The following UBQLN4 variants were observed in gnomAD, a reference collection of about 807,000 sequenced individuals.
UBQLN4 encodes the protein ubiquilin-4.
In UBQLN4, 11 loss-of-function variants were observed where a neutral mutation model predicts 60.4. The observed-to-expected ratio is 0.18, with a 90% confidence interval of 0.11 to 0.30. UBQLN4 has a LOEUF of 0.30. UBQLN4 is among the 10% of genes least tolerant of loss of function. The pLI is 1.00. For missense variants in UBQLN4, 417 were observed against 795.5 expected (o/e 0.52, Z 5.72); for synonymous variants, 258 against 313.1 (o/e 0.82, Z 1.86).
intron 10 of UBQLN4, among the ~76,000 whole-genome samples, chr1:156,039,245 CTTTT>C (rs34866268): frequency 7.3e-5 from 6 of 82,494 alleles, no homozygotes; most frequent in African/African-American, 1.8e-4. Flanking sequence ...CCTGGCCTGG[CTTTT>C]TTTTTTTTTT....
chr1:156,040,559 C>T (rs919648709), intron 10 of UBQLN4, among the ~76,000 whole-genome samples: 2 of 151,078 alleles, frequency 1.3e-5, no homozygotes, highest in East Asian at 2.0e-4. Context: ...CATTCTCCTG[C>T]GTCAGCCTCC....
chr1:156,032,707 G>T (rs1260137978), downstream of UBQLN4, among the ~76,000 whole-genome samples: 1 of 152,072 alleles, frequency 6.6e-6, no homozygotes, highest in African/African-American at 2.4e-5. Flanking sequence ...TTTGCTCTGT[G>T]ATCTCCATGC....
chr1:156,051,237 G>A lies in UBQLN4; in HGVS notation c.351C>T (p.Thr117=). Residue 117 remains threonine, a synonymous_variant, in exon 3 of 11, where the codon ACC becomes ACT. Coordinates refer to ENST00000368309, the MANE Select transcript of UBQLN4 (RefSeq NM_020131.5). ...TGCCAGAGGTGGAGGGCTGGGCAGGGGTGGCGGGTGAAGCAGGCGTGGTGG... is the reference window on the plus strand; with the variant it reads ...TGCCAGAGGTGGAGGGCTGGGCAGGAGTGGCGGGTGAAGCAGGCGTGGTGG... The part of the protein sequence containing the change: ...APSTTPASPA[T]PAQPSTSGSA... 6.2e-7 allele frequency: 1 copy of A among 1,601,316 alleles called. No individual in the cohort carries two copies. Among genetic ancestry groups the A allele is most frequent in the Non-Finnish European group, 8.5e-7 (1 of 1,173,432 alleles).
chr1:156,042,053 G>A, intron 8 of UBQLN4, 66 bp from the exon 9 acceptor site: 1 of 1,611,530 alleles, frequency 6.2e-7, no homozygotes, highest in Non-Finnish European at 8.5e-7. Flanking sequence ...CCTCAACTAG[G>A]AGTCCAGAGT....
At chr1:156,031,542 T>A (rs990176626), downstream of UBQLN4, among the ~76,000 whole-genome samples, 1 of 151,874 alleles carries the variant, frequency 6.6e-6, no homozygotes, top group South Asian at 2.1e-4. Flanking sequence ...TCAATACTCA[T>A]ATGCTCTTAA....
intron 10 of UBQLN4, among the ~76,000 whole-genome samples, chr1:156,037,355 GGAGGCT>G (rs1434354398): frequency 6.6e-6 from 1 of 152,134 alleles, no homozygotes; most frequent in Non-Finnish European, 1.5e-5. Context: ...CAGCACTTTA[GGAGGCT>G]GAGGCGGGCG....
chr1:156,047,041 C>A (rs1194939309), intron 5 of UBQLN4, among the ~76,000 whole-genome samples: 1 of 152,040 alleles, frequency 6.6e-6, no homozygotes, highest in African/African-American at 2.4e-5. Context: ...AAGGCTACAA[C>A]TCTACCTATG....
At chr1:156,051,447 C>A in intron 2 of UBQLN4, 120 bp from the exon 3 acceptor site, 3 of 1,321,900 alleles carry the variant, frequency 2.3e-6, no homozygotes, top group Non-Finnish European at 1.1e-6. Context: ...CTGAGCAGTC[C>A]TGAGGCTGGA....
Position 156,035,821 on chromosome 1 carries a change from C to T in UBQLN4, c.*1157G>A, listed in dbSNP as rs1398581529. 3 of 985,370 alleles carry T rather than the reference C, an allele frequency of 3.0e-6. No individual in the cohort carries two copies. Among genetic ancestry groups the T allele is most frequent in the African/African-American group, 3.5e-5 (2 of 57,206 alleles). The allele number at this position is 985,370 out of a possible 1,614,324, so 61.0% of individuals were successfully genotyped here. A position where few individuals can be genotyped will look rare whatever the true frequency, so the allele number is the denominator to read the frequency against. ...TTCCTGCAATGGACTGACCTTTTTACCCACTTGTCTCTGGTGGTGGGAGAG... is the reference window on the plus strand; with the variant it reads ...TTCCTGCAATGGACTGACCTTTTTATCCACTTGTCTCTGGTGGTGGGAGAG... On this transcript the variant is annotated 3_prime_UTR_variant, in exon 11 of 11. Coordinates refer to ENST00000368309, the MANE Select transcript of UBQLN4 (RefSeq NM_020131.5).
chr1:156,046,821 G>GA (rs1170988135), intron 5 of UBQLN4, among the ~76,000 whole-genome samples: 1 of 152,136 alleles, frequency 6.6e-6, no homozygotes, highest in South Asian at 2.1e-4. Flanking sequence ...CAGCCTGGGC[G>GA]AAACAGTGAG....
At chr1:156,034,566 G>A (rs1462804756), downstream of UBQLN4, among the ~76,000 whole-genome samples, 1 of 151,464 alleles carries the variant, frequency 6.6e-6, no homozygotes, top group Admixed American at 6.6e-5. Context: ...AAAGTGCTGG[G>A]ATTATAGGCG....
intron 1 of UBQLN4, 127 bp downstream of exon 1, chr1:156,053,467 T>A: frequency 3.8e-6 from 2 of 526,636 alleles, no homozygotes; most frequent in Non-Finnish European, 5.3e-6. Flanking sequence ...CTTCAGCTCC[T>A]CGGAGTCCCA....
chr1:156,032,461 A>G (rs967040606), downstream of UBQLN4, among the ~76,000 whole-genome samples: 14 of 150,868 alleles, frequency 9.3e-5, no homozygotes, highest in African/African-American at 3.4e-4. Flanking sequence ...CAGTAAGCAG[A>G]GATCACACCA....
downstream of UBQLN4, among the ~76,000 whole-genome samples, chr1:156,031,849 T>C (rs981612413): frequency 6.6e-6 from 1 of 152,028 alleles, no homozygotes; most frequent in Non-Finnish European, 1.5e-5. Context: ...ATGCTAGCTG[T>C]TTTTTGCTTT....
At chr1:156,037,412 G>A (rs1401501048) in intron 10 of UBQLN4, among the ~76,000 whole-genome samples, 3 of 152,012 alleles carry the variant, frequency 2.0e-5, no homozygotes, top group African/African-American at 2.4e-5. Flanking sequence ...TGGCTAACAC[G>A]GCGAAACCCC....
chr1:156,039,787 A>G (rs1306572125), intron 10 of UBQLN4, among the ~76,000 whole-genome samples: 1 of 151,496 alleles, frequency 6.6e-6, no homozygotes, highest in African/African-American at 2.4e-5. Flanking sequence ...AATACAAAAA[A>G]TTAGCCGGGC....
intron 9 of UBQLN4, 37 bp downstream of exon 9, chr1:156,041,835 C>G: frequency 6.4e-7 from 1 of 1,572,694 alleles, no homozygotes; most frequent in South Asian, 1.2e-5. Context: ...GGAGAAGTTG[C>G]TAGAACCTTG....
At position 156,042,219 on chromosome 1, in the gene UBQLN4, C is replaced by T. The variant is rs551794064; in HGVS notation, c.1284G>A (p.Pro428=). ...DFAAQMMVNV[P]LFAGNPQLQE... ...GCAGTTGGGGGTTCCCCGCGAAGAG[C>T]GGCACATTCACCATCATCTGCCAGG... Residue 428 remains proline (P), a synonymous_variant, in exon 8 of 11, where the codon CCG becomes CCA. Transcript: ENST00000368309. 1.2e-4 allele frequency: 197 copies of T among 1,601,242 alleles called. 1 individual carries two copies. Among genetic ancestry groups the T allele is most frequent in the South Asian group, 1.5e-4 (13 of 88,962 alleles).
At chr1:156,044,877 CA>C (rs1055850867) in intron 5 of UBQLN4, among the ~76,000 whole-genome samples, 76 of 152,238 alleles carry the variant, frequency 5.0e-4, no homozygotes, top group African/African-American at 1.6e-3. Context: ...CCTCCTGCTC[CA>C]AACCCTACCT....
Sources: allele counts gnomAD v4.1 joint callset (sites outside exome capture counted in the v4.1 genomes callset), GRCh38; gene constraint gnomAD v4.1.1; transcripts MANE v1.5; gene names NCBI Gene and HGNC (gene_info 2026-07-23, HGNC 2026-07-21).